The following SH3BP2 variants were observed in gnomAD, a reference collection of about 807,000 sequenced individuals.
SH3BP2 encodes the protein SH3 domain binding protein 2.
In SH3BP2, 38 loss-of-function variants were observed where a neutral mutation model predicts 56.2. The observed-to-expected ratio is 0.68, with a 90% CI of 0.52 to 0.89. SH3BP2 has a LOEUF of 0.89. Among genes scored for constraint, SH3BP2 ranks in the 40% least tolerant of loss-of-function variants. SH3BP2 has a pLI of 0.00. For synonymous variants in SH3BP2, 346 were observed against 316.7 expected (o/e 1.09, Z -0.98); for missense variants, 748 against 762.6 (o/e 0.98, Z 0.23).
intron 1 of SH3BP2, among the ~76,000 whole-genome samples, chr4:2,796,093 G>A (rs574923506): frequency 1.3e-5 from 2 of 152,248 alleles, no homozygotes; most frequent in South Asian, 4.1e-4. Context: ...CCTCAGCCAC[G>A]GGCCAGGAGA....
chr4:2,813,397 G>A (rs1560100972), intron 1 of SH3BP2, among the ~76,000 whole-genome samples: 1 of 152,190 alleles, frequency 6.6e-6, no homozygotes, highest in South Asian at 2.1e-4. Flanking sequence ...ATGATGGGGC[G>A]ATCACTGAGA....
chr4:2,817,038 A>G (rs1433743961), intron 1 of SH3BP2, among the ~76,000 whole-genome samples: 1 of 152,204 alleles, frequency 6.6e-6, no homozygotes, highest in East Asian at 1.9e-4. Flanking sequence ...TTCAGTTTCA[A>G]CTTTAGGCTG....
At chr4:2,811,096 T>C (rs1342990750) in intron 1 of SH3BP2, among the ~76,000 whole-genome samples, 1 of 151,992 alleles carries the variant, frequency 6.6e-6, no homozygotes, top group African/African-American at 2.4e-5. Flanking sequence ...GACAGTGGGG[T>C]GTCTGCAGCC....
At chr4:2,793,832 G>A (rs1331618980) in intron 1 of SH3BP2, 1 of 152,368 alleles carries the variant, frequency 6.6e-6, no homozygotes, top group Non-Finnish European at 1.5e-5. Flanking sequence ...AGGGACTGGA[G>A]GAGTTAGGGG....
In SH3BP2 at chr4:2,793,098, G is replaced by A. The variant is rs1722949368; in HGVS notation, c.-45G>A. The A allele has an allele frequency of 1.3e-5, 2 of 150,692 alleles. No individual in the cohort carries two copies. The highest frequency in any genetic ancestry group is 2.0e-4 in the East Asian group (1 of 5,098). The allele number at this position is 150,692 out of a possible 1,614,324, so 9.3% of individuals were successfully genotyped here. A position where few individuals can be genotyped will look rare whatever the true frequency, so the allele number is the denominator to read the frequency against. On this transcript the variant is annotated 5_prime_UTR_variant, in exon 1 of 13. Coordinates refer to ENST00000503393, the MANE Select transcript of SH3BP2 (RefSeq NM_001122681.2). ...CGCCTGGCGGCCGAGTCAAGCCGCC[G>A]CCTCGACCCAGGGCCCGCGGGCCAG...
chr4:2,814,195 T>A (rs1723889925), intron 1 of SH3BP2, among the ~76,000 whole-genome samples: 2 of 152,206 alleles, frequency 1.3e-5, no homozygotes, highest in African/African-American at 4.8e-5. Flanking sequence ...CCTGTGACAT[T>A]AACTGGGTGT....
chr4:2,832,144 C>T, intron 10 of SH3BP2, 166 bp downstream of exon 10: 1 of 957,114 alleles, frequency 1.0e-6, no homozygotes, highest in Non-Finnish European at 1.7e-6. Context: ...CCATGCCCAG[C>T]TGGCACCCTG....
At chr4:2,830,345 A>G (rs1051550453) in intron 8 of SH3BP2, among the ~76,000 whole-genome samples, 198 bp downstream of exon 8, 2 of 151,972 alleles carry the variant, frequency 1.3e-5, no homozygotes, top group Non-Finnish European at 2.9e-5. Flanking sequence ...TCAGCCCTGA[A>G]GCTTGCTGGA....
intron 5 of SH3BP2, among the ~76,000 whole-genome samples, chr4:2,825,417 G>A (rs1403630087): frequency 6.6e-6 from 1 of 151,880 alleles, no homozygotes; most frequent in South Asian, 2.1e-4. Context: ...ACGCGGACAC[G>A]CACACACAAA....
At chr4:2,830,184 C>T in intron 8 of SH3BP2, 37 bp downstream of exon 8, 1 of 1,577,176 alleles carries the variant, frequency 6.3e-7, no homozygotes, top group Non-Finnish European at 8.6e-7. Flanking sequence ...CTGCCTCCAG[C>T]TACAGGGACC....
chr4:2,820,370 A>G (rs760007999), intron 1 of SH3BP2, among the ~76,000 whole-genome samples: 1 of 152,186 alleles, frequency 6.6e-6, no homozygotes, highest in Non-Finnish European at 1.5e-5. Context: ...CGTAGCGCTC[A>G]GGATCCTGGG....
chr4:2,797,484 C>G (rs545973033), intron 1 of SH3BP2, among the ~76,000 whole-genome samples: 1 of 152,214 alleles, frequency 6.6e-6, no homozygotes, highest in Admixed American at 6.5e-5. Context: ...AGGGCAGGAC[C>G]GCTGGCAGGT....
Position 2,840,994 on chromosome 4 carries a change from T to A in SH3BP2, c.*7160T>A, listed in dbSNP as rs1169597107. 2 of 152,220 alleles carry A rather than the reference T, an allele frequency of 1.3e-5. No individual in the cohort carries two copies. Among genetic ancestry groups the A allele is most frequent in the Non-Finnish European group, 2.9e-5 (2 of 68,044 alleles). The allele number at this position is 152,220 out of a possible 1,614,324, so 9.4% of individuals were successfully genotyped here. On this transcript the variant is annotated 3_prime_UTR_variant, in exon 13 of 13. Coordinates refer to ENST00000503393, the MANE Select transcript of SH3BP2 (RefSeq NM_001122681.2). ...AAATTGTGTATTTTTAATTTCATTTTTTTTTTTGTTAATAGCATATAAAAC... is the reference window on the plus strand; with the variant it reads ...AAATTGTGTATTTTTAATTTCATTTATTTTTTTGTTAATAGCATATAAAAC...
chr4:2,812,098 A>G (rs1723772612), intron 1 of SH3BP2: 4 of 1,173,516 alleles, frequency 3.4e-6, no homozygotes, highest in Non-Finnish European at 4.5e-6. Context: ...CTCTGACCAC[A>G]GGATGGGAGG....
chr4:2,827,422 C>T, intron 6 of SH3BP2, 104 bp downstream of exon 6: 1 of 1,295,970 alleles, frequency 7.7e-7, no homozygotes. Flanking sequence ...GCTCCTTGCT[C>T]TGGCCCTTTG....
chr4:2,800,886 G>A (rs907999093), intron 1 of SH3BP2, among the ~76,000 whole-genome samples: 12 of 152,184 alleles, frequency 7.9e-5, no homozygotes, highest in Non-Finnish European at 1.5e-4. Flanking sequence ...AGAGGTGTCC[G>A]GCGAGGTAGG....
chr4:2,815,252 G>C (rs1324802436), intron 1 of SH3BP2, among the ~76,000 whole-genome samples: 5 of 152,220 alleles, frequency 3.3e-5, no homozygotes, highest in African/African-American at 1.2e-4. Context: ...GCCAGGTGGG[G>C]CAGAGGATAG....
At chr4:2,832,444 C>T (rs374371026) in intron 11 of SH3BP2, 32 bp downstream of exon 11, 14 of 1,564,584 alleles carry the variant, frequency 8.9e-6, no homozygotes, top group African/African-American at 5.4e-5. Flanking sequence ...CCCAGGGCCC[C>T]TCTGGCTCTC....
At chr4:2,827,807 G>A in intron 7 of SH3BP2, 133 bp downstream of exon 7, 1 of 729,890 alleles carries the variant, frequency 1.4e-6, no homozygotes, top group South Asian at 1.6e-5. Context: ...TCCCTGCTGT[G>A]TCCCAAGTAT....
Sources: gnomAD v4.1 joint callset for allele counts (sites outside exome capture counted in the v4.1 genomes callset) on GRCh38, gnomAD v4.1.1 for gene constraint, MANE v1.5 for transcripts, NCBI Gene and HGNC (gene_info 2026-07-23, HGNC 2026-07-21) for gene names.